The following CCM2 variants were observed in gnomAD, a reference collection of about 807,000 sequenced individuals.
CCM2 encodes CCM2 scaffold protein.
In CCM2, 25 loss-of-function variants were observed where a neutral mutation model predicts 44.9. The ratio of observed to expected loss-of-function variants is 0.56; its 90% confidence interval spans 0.41 to 0.78. The LOEUF is 0.78. CCM2 is among the 30% of genes least tolerant of loss of function. The probability of loss-of-function intolerance (pLI) is 0.00; values close to 1 mark genes in which losing one functional copy is unlikely to be tolerated. For synonymous variants in CCM2, 219 were observed against 241.1 expected (o/e 0.91, Z 0.85); for missense variants, 481 against 580.6 (o/e 0.83, Z 1.76).
At chr7:45,073,150 C>G (rs1799164307) in intron 7 of CCM2, 1 of 573,494 alleles carries the variant, frequency 1.7e-6, no homozygotes, top group Non-Finnish European at 3.1e-6. Flanking sequence ...CTCGCGCTCT[C>G]CATTCCTGCC....
At chr7:45,003,683 A>G (rs1045059060) in intron 1 of CCM2, among the ~76,000 whole-genome samples, 4 of 151,086 alleles carry the variant, frequency 2.6e-5, no homozygotes, top group African/African-American at 4.9e-5. Flanking sequence ...AGCTGAGATC[A>G]TGCCACTGTA....
chr7:45,027,791 G>C, intron 1 of CCM2: 1 of 1,614,196 alleles, frequency 6.2e-7, no homozygotes, highest in Non-Finnish European at 8.5e-7. Flanking sequence ...ATTCCATGGA[G>C]AATGAGGTAG....
intron 1 of CCM2, among the ~76,000 whole-genome samples, chr7:45,031,115 G>A (rs1796945174): frequency 6.6e-6 from 1 of 151,736 alleles, no homozygotes; most frequent in Admixed American, 6.6e-5. Context: ...AGGTGCAGTG[G>A]CTTACACCTG....
chr7:45,065,966 T>G (rs753212474), intron 4 of CCM2, among the ~76,000 whole-genome samples: 1 of 152,182 alleles, frequency 6.6e-6, no homozygotes, highest in South Asian at 2.1e-4. Flanking sequence ...GGTTTCTGAC[T>G]CGCTTCTTGC....
At chr7:45,014,389 T>C (rs533557370) in intron 1 of CCM2, among the ~76,000 whole-genome samples, 1 of 152,292 alleles carries the variant, frequency 6.6e-6, no homozygotes, top group Non-Finnish European at 1.5e-5. Flanking sequence ...TCCGCCCACC[T>C]CGGCCTCCCA....
chr7:45,004,197 A>G (rs1268376962), intron 1 of CCM2, among the ~76,000 whole-genome samples: 1 of 152,190 alleles, frequency 6.6e-6, no homozygotes, highest in East Asian at 1.9e-4. Flanking sequence ...AAAAGGTTAT[A>G]AAGTTCCCTA....
At chr7:45,000,460 G>A (rs868253711) in intron 1 of CCM2, 97 bp downstream of exon 1, 3 of 307,408 alleles carry the variant, frequency 9.8e-6, no homozygotes, top group Non-Finnish European at 1.6e-5. Flanking sequence ...GGCCCGGGGG[G>A]GGGGGCAGTG....
At chr7:45,072,831 C>T (rs374803203) in intron 7 of CCM2, 48 bp downstream of exon 7, 25 of 1,493,954 alleles carry the variant, frequency 1.7e-5, no homozygotes, top group Admixed American at 5.0e-5. Flanking sequence ...GCACCAAATG[C>T]GTTGTCTGGT....
chr7:45,010,595 A>G (rs113147671), intron 1 of CCM2, among the ~76,000 whole-genome samples: 6 of 151,814 alleles, frequency 4.0e-5, no homozygotes, highest in African/African-American at 7.2e-5. Flanking sequence ...TAGTTTGTGT[A>G]TATATATATA....
intron 1 of CCM2, among the ~76,000 whole-genome samples, chr7:45,032,453 G>A (rs1797013280): frequency 6.6e-6 from 1 of 152,168 alleles, no homozygotes; most frequent in Admixed American, 6.5e-5. Context: ...CTTGTCTCTT[G>A]CTGCTCAGAA....
intron 1 of CCM2, among the ~76,000 whole-genome samples, chr7:45,024,616 AG>A (rs1292966150): frequency 6.6e-6 from 1 of 152,230 alleles, no homozygotes; most frequent in Non-Finnish European, 1.5e-5. Flanking sequence ...AAGGCACTGC[AG>A]GTGTGAAAAT....
At chr7:45,025,653 C>T (rs992962645) in intron 1 of CCM2, among the ~76,000 whole-genome samples, 1 of 152,036 alleles carries the variant, frequency 6.6e-6, no homozygotes, top group Admixed American at 6.6e-5. Context: ...CGTGCTTCAG[C>T]CTCCCGAATA....
In CCM2 at chr7:45,075,557, C is replaced by T. The variant is rs555948805; in HGVS notation, c.1055-220C>T. Reference sequence around the variant, plus strand: ...AGAGGCAGTAAGCTGTCAGGGCCAGCAGCAGTGTCTGTCAAGAGTTGAGGT... The same window carrying T: ...AGAGGCAGTAAGCTGTCAGGGCCAGTAGCAGTGTCTGTCAAGAGTTGAGGT... On this transcript the variant is annotated intron_variant, in intron 9 of 9. Transcript: ENST00000258781. 8.9e-4 allele frequency among the ~76,000 whole-genome samples: 136 copies of T among 152,342 alleles called. 1 individual carries two copies. Among genetic ancestry groups the T allele is most frequent in the African/African-American group, 3.1e-3 (130 of 41,582 alleles).
intron 1 of CCM2, among the ~76,000 whole-genome samples, chr7:45,035,543 GGACT>G: frequency 6.6e-6 from 1 of 152,206 alleles, no homozygotes; most frequent in Non-Finnish European, 1.5e-5. Flanking sequence ...GGTAGATGAG[GGACT>G]ACTCCAGGTC....
intron 5 of CCM2, 65 bp downstream of exon 5, chr7:45,068,644 C>T (rs1798905106): frequency 1.3e-6 from 2 of 1,594,848 alleles, no homozygotes; most frequent in Non-Finnish European, 1.7e-6. Flanking sequence ...TGGCCAGCCC[C>T]ACCCTGGCCA....
At chr7:45,004,986 G>A (rs1795788375) in intron 1 of CCM2, among the ~76,000 whole-genome samples, 1 of 111,720 alleles carries the variant, frequency 9.0e-6, no homozygotes, top group Non-Finnish European at 1.8e-5. Flanking sequence ...ACAAGAGTAA[G>A]ACTCCGTCTC....
chr7:45,047,081 A>T (rs1031601572), intron 2 of CCM2, among the ~76,000 whole-genome samples: 1 of 152,218 alleles, frequency 6.6e-6, no homozygotes, highest in Non-Finnish European at 1.5e-5. Context: ...GCTGGAGAAG[A>T]TGTGGAGGAA....
At position 45,055,217 on chromosome 7, in the gene CCM2, G is replaced by A. The variant is rs181862911; in HGVS notation, c.205-8701G>A. Among the ~76,000 whole-genome samples, 667 of 152,228 alleles carry A rather than the reference G, an allele frequency of 4.4e-3. 5 individuals are homozygous for A. Among genetic ancestry groups the A allele is most frequent in the African/African-American group, 0.015 (641 of 41,552 alleles). ...TGTACAATTCTGTAAACATAATTCC[G>A]GGGTACTTTTGTTTCAGCAAAGCAC... On this transcript the variant is annotated intron_variant, in intron 2 of 9. Transcript: ENST00000258781.
chr7:45,005,427 A>G (rs982850071), intron 1 of CCM2, among the ~76,000 whole-genome samples: 4 of 152,192 alleles, frequency 2.6e-5, no homozygotes, highest in African/African-American at 9.6e-5. Context: ...TCTCTTAGCA[A>G]TATTATTGCA....
Sources: allele counts gnomAD v4.1 joint callset (sites outside exome capture counted in the v4.1 genomes callset), GRCh38; gene constraint gnomAD v4.1.1; transcripts MANE v1.5; gene names NCBI Gene and HGNC (gene_info 2026-07-23, HGNC 2026-07-21).